Variants in BMAL1 observed in about 807,000 individuals in gnomAD.
BMAL1 encodes basic helix-loop-helix ARNT-like protein 1.
chr11:13,345,837 A>G, the BMAL1 span, among the ~76,000 whole-genome samples: 2 of 152,170 alleles, frequency 1.3e-5, no homozygotes, highest in Non-Finnish European at 2.9e-5. Context: ...ATCAGGCTTG[A>G]TCTGTGGCTG....
the BMAL1 span, among the ~76,000 whole-genome samples, chr11:13,314,854 G>A: frequency 6.6e-6 from 1 of 152,130 alleles, no homozygotes; most frequent in African/African-American, 2.4e-5. Flanking sequence ...AGTCCCCAGT[G>A]AATACTGAGG....
the BMAL1 span, among the ~76,000 whole-genome samples, chr11:13,345,677 A>G: frequency 6.6e-6 from 1 of 152,120 alleles, no homozygotes; most frequent in South Asian, 2.1e-4. Flanking sequence ...CCCACTTGCT[A>G]GCTGTGTCAT....
the BMAL1 span, among the ~76,000 whole-genome samples, chr11:13,312,974 C>T: frequency 7.9e-5 from 12 of 152,194 alleles, no homozygotes; most frequent in South Asian, 6.2e-4. Flanking sequence ...ACAGTGAGAC[C>T]GGGGTGGAGA....
chr11:13,365,535 C>G, the BMAL1 span: 1 of 1,613,690 alleles, frequency 6.2e-7, no homozygotes, highest in Non-Finnish European at 8.5e-7. Flanking sequence ...TAGGATGTGA[C>G]CGAGGGAAGA....
the BMAL1 span, among the ~76,000 whole-genome samples, chr11:13,315,595 G>T: frequency 6.6e-6 from 1 of 152,118 alleles, no homozygotes; most frequent in African/African-American, 2.4e-5. Context: ...GTGGGTTTAC[G>T]CTCTGACCCT....
chr11:13,294,899 T>C, the BMAL1 span, among the ~76,000 whole-genome samples: 14 of 152,342 alleles, frequency 9.2e-5, no homozygotes, highest in South Asian at 2.9e-3. Context: ...CTGTGGCTTC[T>C]TCCCGCAGTG....
chr11:13,279,350 AC>A, the BMAL1 span, among the ~76,000 whole-genome samples: 1 of 152,124 alleles, frequency 6.6e-6, no homozygotes, highest in Non-Finnish European at 1.5e-5. Flanking sequence ...TTCCCACGAC[AC>A]CTGCTTGCTT....
chr11:13,339,513 C>A, the BMAL1 span, among the ~76,000 whole-genome samples: 1 of 151,890 alleles, frequency 6.6e-6, no homozygotes, highest in African/African-American at 2.4e-5. Flanking sequence ...TCATGTCACT[C>A]CCCATTTTAC....
chr11:13,321,088 C>G, the BMAL1 span, among the ~76,000 whole-genome samples: 6 of 152,160 alleles, frequency 3.9e-5, no homozygotes, highest in Admixed American at 6.5e-5. Context: ...TCCCTTTTCC[C>G]TTCACTCTGC....
the BMAL1 span, among the ~76,000 whole-genome samples, chr11:13,330,991 G>C: frequency 6.6e-6 from 1 of 152,190 alleles, no homozygotes; most frequent in South Asian, 2.1e-4. Context: ...TCTCATTGTA[G>C]GTGGGGAAGC....
chr11:13,292,972 C>CT, the BMAL1 span, among the ~76,000 whole-genome samples: 2 of 151,876 alleles, frequency 1.3e-5, no homozygotes, highest in Non-Finnish European at 1.5e-5. Context: ...AGCAATGAGT[C>CT]TAGCAAAATC....
chr11:13,300,740 C>G, the BMAL1 span, among the ~76,000 whole-genome samples: 2 of 152,166 alleles, frequency 1.3e-5, no homozygotes, highest in South Asian at 4.1e-4. Flanking sequence ...ATGAGCCTCT[C>G]TGGAAATGCC....
chr11:13,365,982 C>A, the BMAL1 span, among the ~76,000 whole-genome samples: 1 of 152,146 alleles, frequency 6.6e-6, no homozygotes, highest in Non-Finnish European at 1.5e-5. Context: ...CACTTCTTAG[C>A]TCTATTGAAC....
the BMAL1 span, among the ~76,000 whole-genome samples, chr11:13,323,124 A>T: frequency 2.6e-5 from 4 of 151,948 alleles, no homozygotes; most frequent in African/African-American, 9.7e-5. Context: ...AAAGATGAGT[A>T]GGAAGGAGTC....
At chr11:13,382,151 G>C in the BMAL1 span, among the ~76,000 whole-genome samples, 2 of 152,164 alleles carry the variant, frequency 1.3e-5, no homozygotes, top group South Asian at 2.1e-4. Flanking sequence ...AGGAGAGAGG[G>C]TAAGAGTAGA....
the BMAL1 span, chr11:13,386,469 A>T: frequency 2.2e-5 from 23 of 1,028,414 alleles, no homozygotes; most frequent in Non-Finnish European, 1.3e-5. Context: ...CATGCAGCCC[A>T]AAAAGCAGCA....
At chr11:13,348,034 CA>C in the BMAL1 span, among the ~76,000 whole-genome samples, 1 of 152,108 alleles carries the variant, frequency 6.6e-6, no homozygotes, top group Non-Finnish European at 1.5e-5. Flanking sequence ...GACACGCCTA[CA>C]AGCAGAGAAT....
At chr11:13,349,469 C>G in the BMAL1 span, among the ~76,000 whole-genome samples, 1 of 152,198 alleles carries the variant, frequency 6.6e-6, no homozygotes, top group Non-Finnish European at 1.5e-5. Flanking sequence ...TCAGTCTCTT[C>G]TGTAAAACGG....
At chr11:13,301,379 C>T in the BMAL1 span, among the ~76,000 whole-genome samples, 4 of 152,178 alleles carry the variant, frequency 2.6e-5, no homozygotes. Flanking sequence ...ACCCAGTGCA[C>T]CCCTGTTTCT....
Sources: allele counts gnomAD v4.1 joint callset (sites outside exome capture counted in the v4.1 genomes callset), GRCh38; gene constraint gnomAD v4.1.1; transcripts MANE v1.5; gene names NCBI Gene and HGNC (gene_info 2026-07-23, HGNC 2026-07-21).